Variants in COL25A1 observed in about 807,000 individuals in gnomAD.
The protein encoded by COL25A1 is collagen alpha-1(XXV) chain.
Under a neutral mutation model 128.4 loss-of-function variants are expected in COL25A1, and 103 were observed. That is an observed-to-expected ratio of 0.80 (90% CI 0.68 to 0.94). The LOEUF (loss-of-function observed/expected upper bound fraction) is 0.94. COL25A1 is among the 40% of genes least tolerant of loss of function. The pLI is 0.00. For missense variants in COL25A1, 745 were observed against 840.0 expected, an observed-to-expected ratio of 0.89 and a Z score of 1.40; for synonymous variants, 279 against 277.2, an observed-to-expected ratio of 1.01 and a Z score of -0.06.
At chr4:109,265,519 G>A (rs1252638219) in intron 3 of COL25A1, among the ~76,000 whole-genome samples, 2 of 18,226 alleles carry the variant, frequency 1.1e-4, no homozygotes, top group Non-Finnish European at 1.8e-4. Flanking sequence ...ATAACAGTAC[G>A]TGTGTGTGTG....
chr4:109,055,095 C>T lies in COL25A1; in HGVS notation c.368-4916G>A, dbSNP rs1402133769. ...TTAATTTCAGAGCTCTCCCCAAAGT[C>T]CTCCCACCTGTTTGCTTGCTTAATG... On this transcript the variant is annotated intron_variant, in intron 3 of 37. Coordinates refer to ENST00000399132, the MANE Select transcript of COL25A1 (RefSeq NM_198721.4). 2.0e-5 allele frequency among the ~76,000 whole-genome samples: 3 copies of T among 152,314 alleles called. No individual in the cohort carries two copies. In the South Asian group the frequency reaches 6.2e-4, roughly 32 times the overall value.
intron 3 of COL25A1, among the ~76,000 whole-genome samples, chr4:109,067,997 C>T (rs968905608): frequency 6.6e-6 from 1 of 152,064 alleles, no homozygotes; most frequent in Non-Finnish European, 1.5e-5. Flanking sequence ...CAACAATAAT[C>T]GAAAATCAAG....
At chr4:108,817,251 G>A in intron 37 of COL25A1, 146 bp downstream of exon 37, 1 of 647,030 alleles carries the variant, frequency 1.5e-6, no homozygotes, top group South Asian at 2.3e-5. Flanking sequence ...GAAGAAATCA[G>A]CAGTAAATAT....
At chr4:108,972,689 T>C (rs1752038789) in intron 8 of COL25A1, among the ~76,000 whole-genome samples, 1 of 152,176 alleles carries the variant, frequency 6.6e-6, no homozygotes, top group Admixed American at 6.5e-5. Context: ...TTTGCCACTT[T>C]CCACCTGAAA....
intron 5 of COL25A1, among the ~76,000 whole-genome samples, chr4:109,024,451 T>C (rs1758060991): frequency 1.3e-5 from 2 of 151,946 alleles, no homozygotes; most frequent in African/African-American, 4.8e-5. Flanking sequence ...TACATATTTA[T>C]TCAGACATAT....
intron 3 of COL25A1, among the ~76,000 whole-genome samples, chr4:109,142,614 T>C (rs1356813338): frequency 3.9e-5 from 6 of 152,112 alleles, no homozygotes; most frequent in Non-Finnish European, 8.8e-5. Flanking sequence ...GGTGCATATA[T>C]ATTTAGGTTA....
At chr4:109,201,829 G>A (rs1242419387) in intron 3 of COL25A1, among the ~76,000 whole-genome samples, 1 of 152,054 alleles carries the variant, frequency 6.6e-6, no homozygotes, top group Non-Finnish European at 1.5e-5. Context: ...CAGCTTTCTT[G>A]TATACCAGCA....
intron 3 of COL25A1, among the ~76,000 whole-genome samples, chr4:109,195,937 A>G (rs1776001963): frequency 6.6e-6 from 1 of 152,250 alleles, no homozygotes; most frequent in South Asian, 2.1e-4. Context: ...GGCTCCCAGT[A>G]TAGGGACTTC....
chr4:109,111,076 G>A (rs1040340104), intron 3 of COL25A1, among the ~76,000 whole-genome samples: 4 of 152,106 alleles, frequency 2.6e-5, no homozygotes, highest in Admixed American at 6.6e-5. Flanking sequence ...ATCTTTCTCT[G>A]GCCACTGTTC....
chr4:108,848,871 C>A, intron 26 of COL25A1, 68 bp from the exon 27 acceptor site: 2 of 1,223,038 alleles, frequency 1.6e-6, no homozygotes, highest in Non-Finnish European at 2.4e-6. Flanking sequence ...CATAAAAAAA[C>A]GATGCTAGTT....
intron 35 of COL25A1, chr4:108,823,774 G>T: frequency 2.5e-6 from 1 of 397,136 alleles, no homozygotes; most frequent in Non-Finnish European, 4.0e-6. Flanking sequence ...TTCTCTACTG[G>T]GAAGTAGTGA....
At chr4:109,243,249 T>C (rs1172664426) in intron 3 of COL25A1, among the ~76,000 whole-genome samples, 1 of 152,028 alleles carries the variant, frequency 6.6e-6, no homozygotes, top group Non-Finnish European at 1.5e-5. Flanking sequence ...AAGTTGAGTC[T>C]TCCTCTCTGT....
chr4:109,282,749 C>G (rs1282319652), intron 3 of COL25A1, among the ~76,000 whole-genome samples: 1 of 152,138 alleles, frequency 6.6e-6, no homozygotes, highest in Non-Finnish European at 1.5e-5. Flanking sequence ...AAAATTAGAA[C>G]CAGTAATTCC....
chr4:108,821,041 C>T (rs1429718799), intron 35 of COL25A1, among the ~76,000 whole-genome samples: 1 of 152,160 alleles, frequency 6.6e-6, no homozygotes, highest in Admixed American at 6.5e-5. Context: ...ATTCTGCAAT[C>T]AGGATGGGAG....
chr4:108,951,711 G>A (rs1378086053), intron 8 of COL25A1, among the ~76,000 whole-genome samples: 1 of 152,144 alleles, frequency 6.6e-6, no homozygotes, highest in Non-Finnish European at 1.5e-5. Context: ...AAGTTTTAAA[G>A]TTTTTCCTCT....
At chr4:109,041,822 C>T (rs887241867) in intron 5 of COL25A1, among the ~76,000 whole-genome samples, 2 of 152,086 alleles carry the variant, frequency 1.3e-5, no homozygotes, top group African/African-American at 4.8e-5. Context: ...TTGGAACACA[C>T]ATGTTAAAGA....
At chr4:109,007,966 A>G (rs1756198187) in intron 6 of COL25A1, among the ~76,000 whole-genome samples, 2 of 151,932 alleles carry the variant, frequency 1.3e-5, no homozygotes, top group South Asian at 4.2e-4. Context: ...TTTTACAGTT[A>G]CTCTCTTTAG....
At position 109,197,146 on chromosome 4, in the gene COL25A1, C is replaced by T. The variant is rs115046215; in HGVS notation, c.367+103437G>A. ...CTGCCTGAGGAACATAGCAAGGCCT[C>T]ATCTCTACTAAAAATAAAAAATAAA... On this transcript the variant is annotated intron_variant, in intron 3 of 37. Transcript: ENST00000399132. 6.7e-3 allele frequency among the ~76,000 whole-genome samples: 1,012 copies of T among 150,972 alleles called. 5 individuals carry two copies. Among genetic ancestry groups the T allele is most frequent in the African/African-American group, 0.024 (974 of 41,068 alleles).
Position 108,825,726 on chromosome 4 carries a change from A to T in COL25A1, c.1765-504T>A, listed in dbSNP as rs114787859. Reference sequence around the variant, plus strand: ...TGCTACTTTAATTTGATAACTTAGTAGTTAGCTCACAAATGAGTAAAGAAT... The same window carrying T: ...TGCTACTTTAATTTGATAACTTAGTTGTTAGCTCACAAATGAGTAAAGAAT... On this transcript the variant is annotated intron_variant, in intron 33 of 37. Coordinates refer to ENST00000399132, the MANE Select transcript of COL25A1 (RefSeq NM_198721.4). Among the ~76,000 whole-genome samples, 951 of 152,350 alleles carry T rather than the reference A, an allele frequency of 6.2e-3. 15 individuals are homozygous for T. Among genetic ancestry groups the T allele is most frequent in the African/African-American group, 0.022 (904 of 41,580 alleles).
Sources: gnomAD v4.1 joint callset for allele counts (sites outside exome capture counted in the v4.1 genomes callset) on GRCh38, gnomAD v4.1.1 for gene constraint, MANE v1.5 for transcripts, NCBI Gene and HGNC (gene_info 2026-07-23, HGNC 2026-07-21) for gene names.